Variants in DPYD observed in about 807,000 individuals in gnomAD.
The protein encoded by DPYD is dihydropyrimidine dehydrogenase [NADP(+)].
A neutral mutation model predicts 116.2 loss-of-function variants in DPYD; 109 were observed. The observed-to-expected ratio is 0.94, with a 90% CI of 0.80 to 1.10. DPYD has a LOEUF of 1.10. Among genes scored for constraint, DPYD ranks in the 50% least tolerant of loss-of-function variants. The pLI, the probability that DPYD is intolerant of heterozygous loss-of-function variation, is 0.00. For missense variants in DPYD, 1,302 were observed against 1,254.5 expected (o/e 1.04, Z -0.57); for synonymous variants, 440 against 432.0 (o/e 1.02, Z -0.23).
At chr1:97,553,123 A>C (rs1202502234) in intron 11 of DPYD, among the ~76,000 whole-genome samples, 1 of 152,012 alleles carries the variant, frequency 6.6e-6, no homozygotes, top group Non-Finnish European at 1.5e-5. Flanking sequence ...TCAAATGGTT[A>C]GGATCATTTC....
intron 8 of DPYD, among the ~76,000 whole-genome samples, chr1:97,625,698 A>ATG (rs1365968596): frequency 7.2e-5 from 11 of 151,978 alleles, no homozygotes; most frequent in Non-Finnish European, 1.2e-4. Context: ...GGTCATCTAC[A>ATG]ATGCCAAGGA....
At chr1:97,345,591 G>A (rs1358313849) in intron 16 of DPYD, among the ~76,000 whole-genome samples, 1 of 151,876 alleles carries the variant, frequency 6.6e-6, no homozygotes, top group Non-Finnish European at 1.5e-5. Flanking sequence ...CGGGATGCGA[G>A]AAAATGCTTT....
intron 3 of DPYD, among the ~76,000 whole-genome samples, chr1:97,801,924 T>C (rs907439568): frequency 3.3e-5 from 5 of 151,910 alleles, no homozygotes; most frequent in African/African-American, 9.7e-5. Context: ...ACTAGTAGTG[T>C]CTAATTTTCA....
At chr1:97,297,319 G>C (rs1666595520) in intron 18 of DPYD, among the ~76,000 whole-genome samples, 1 of 152,106 alleles carries the variant, frequency 6.6e-6, no homozygotes, top group Admixed American at 6.6e-5. Flanking sequence ...TCAAGTATCA[G>C]ACACCATGTA....
chr1:97,882,190 A>C (rs1384718680), intron 2 of DPYD, among the ~76,000 whole-genome samples: 1 of 152,022 alleles, frequency 6.6e-6, no homozygotes, highest in Non-Finnish European at 1.5e-5. Flanking sequence ...GATAGAAAAC[A>C]AAGCTCCCAA....
intron 15 of DPYD, among the ~76,000 whole-genome samples, chr1:97,380,189 T>G (rs1671866883): frequency 6.6e-6 from 1 of 152,194 alleles, no homozygotes; most frequent in African/African-American, 2.4e-5. Flanking sequence ...AATGGCTCAG[T>G]TTGGCATATA....
chr1:97,742,642 G>T, intron 3 of DPYD, among the ~76,000 whole-genome samples: 1 of 151,994 alleles, frequency 6.6e-6, no homozygotes, highest in East Asian at 1.9e-4. Context: ...AATACAAAAA[G>T]CTCCATAATG....
At chr1:97,690,058 A>G (rs1359977691) in intron 7 of DPYD, among the ~76,000 whole-genome samples, 1 of 152,088 alleles carries the variant, frequency 6.6e-6, no homozygotes, top group African/African-American at 2.4e-5. Flanking sequence ...AAATTGTCCC[A>G]CACCTTCTCA....
intron 10 of DPYD, among the ~76,000 whole-genome samples, chr1:97,578,715 G>A (rs1653440144): frequency 6.6e-6 from 1 of 152,194 alleles, no homozygotes. Flanking sequence ...TAAAGTGAAA[G>A]GTGAAGGGCT....
intron 2 of DPYD, among the ~76,000 whole-genome samples, chr1:97,831,980 C>A (rs1270819711): frequency 6.7e-6 from 1 of 150,344 alleles, no homozygotes; most frequent in Non-Finnish European, 1.5e-5. Flanking sequence ...TGGTAGAAAA[C>A]TGAAAATTCG....
chr1:97,357,566 C>T (rs2101385758), intron 16 of DPYD, among the ~76,000 whole-genome samples: 1 of 152,240 alleles, frequency 6.6e-6, no homozygotes, highest in East Asian at 1.9e-4. Context: ...TTACGGGATA[C>T]AAATGCAGTT....
At position 97,134,006 on chromosome 1, in the gene DPYD, AAAAAAAAAATATATATATATAT is replaced by A. The variant is rs1202931198; in HGVS notation, c.2623-35396_2623-35375del. ...AGAGCCAGACTCTGTTTCAAAAAAA[AAAAAAAAAATATATATATATAT>A]ATATATATATATATATATATATATA... On this transcript the variant is annotated intron_variant, in intron 20 of 22. Coordinates refer to ENST00000370192, the MANE Select transcript of DPYD (RefSeq NM_000110.4). Among the ~76,000 whole-genome samples, 15 of 36,958 alleles carry A rather than the reference AAAAAAAAAATATATATATATAT, an allele frequency of 4.1e-4. 2 individuals are homozygous for A. Among genetic ancestry groups the A allele is most frequent in the Admixed American group, 3.3e-3 (9 of 2,712 alleles). The allele number at this position is 36,958 out of a possible 152,430, so 24.2% of individuals were successfully genotyped here.
At chr1:97,477,263 T>C (rs925075280) in intron 13 of DPYD, among the ~76,000 whole-genome samples, 10 of 152,248 alleles carry the variant, frequency 6.6e-5, no homozygotes, top group Non-Finnish European at 1.2e-4. Context: ...GCTGATTCTA[T>C]CTCAATAAAC....
chr1:97,240,529 T>C (rs1662263100), intron 18 of DPYD, among the ~76,000 whole-genome samples: 1 of 152,036 alleles, frequency 6.6e-6, no homozygotes, highest in African/African-American at 2.4e-5. Flanking sequence ...TCCCTGATAA[T>C]AGCTCTAGCT....
At chr1:97,208,240 T>C (rs982017964) in intron 19 of DPYD, among the ~76,000 whole-genome samples, 6 of 151,376 alleles carry the variant, frequency 4.0e-5, no homozygotes, top group African/African-American at 1.5e-4. Flanking sequence ...TTTCTCTTTC[T>C]TCTTTCTCTT....
chr1:97,781,968 G>A (rs530313884), intron 3 of DPYD, among the ~76,000 whole-genome samples: 1 of 152,270 alleles, frequency 6.6e-6, no homozygotes, highest in South Asian at 2.1e-4. Context: ...AGGATATGGT[G>A]GTTCTGACTG....
At chr1:97,856,771 CA>C (rs1187701803) in intron 2 of DPYD, 4 of 152,274 alleles carry the variant, frequency 2.6e-5, no homozygotes, top group Admixed American at 1.3e-4. Context: ...ACTGCATAAG[CA>C]GGGTCCTTCC....
chr1:97,546,892 G>T (rs1650912547), intron 12 of DPYD: 1 of 1,609,140 alleles, frequency 6.2e-7, no homozygotes, highest in Admixed American at 1.7e-5. Flanking sequence ...GGGGGATGAA[G>T]ACCAGGAGGA....
At chr1:97,760,432 G>A (rs1361034563) in intron 3 of DPYD, among the ~76,000 whole-genome samples, 1 of 149,948 alleles carries the variant, frequency 6.7e-6, no homozygotes, top group African/African-American at 2.5e-5. Flanking sequence ...ATAAAAAATA[G>A]CAATACAACA....
Sources: gnomAD v4.1 joint callset for allele counts (sites outside exome capture counted in the v4.1 genomes callset) on GRCh38, gnomAD v4.1.1 for gene constraint, MANE v1.5 for transcripts, NCBI Gene and HGNC (gene_info 2026-07-23, HGNC 2026-07-21) for gene names.